CSNK1G1: variants seen among roughly 807,000 people sequenced by gnomAD.
CSNK1G1 encodes casein kinase I isoform gamma-1.
A neutral mutation model predicts 59.6 loss-of-function variants in CSNK1G1; 22 were observed. The observed-to-expected ratio is 0.37, with a 90% CI of 0.26 to 0.53. CSNK1G1 has a LOEUF of 0.53. Among genes scored for constraint, CSNK1G1 ranks in the 20% least tolerant of loss-of-function variants. CSNK1G1 has a pLI of 0.89. For missense variants in CSNK1G1, 384 were observed against 519.5 expected (o/e 0.74, Z 2.54); for synonymous variants, 179 against 177.1 (o/e 1.01, Z -0.08).
intron 1 of CSNK1G1, among the ~76,000 whole-genome samples, chr15:64,319,776 C>G (rs948220798): frequency 7.2e-5 from 11 of 152,132 alleles, no homozygotes; most frequent in Non-Finnish European, 1.2e-4. Flanking sequence ...GTCTTAAACT[C>G]CTGAGCTCAG....
intron 3 of CSNK1G1, among the ~76,000 whole-genome samples, chr15:64,256,876 G>A (rs1892406153): frequency 6.6e-6 from 1 of 152,082 alleles, no homozygotes; most frequent in Admixed American, 6.6e-5. Context: ...ATAGAGGGCT[G>A]TGCATTTGCC....
intron 1 of CSNK1G1, among the ~76,000 whole-genome samples, chr15:64,333,433 CA>C (rs59451869): frequency 4.3e-5 from 1 of 23,086 alleles, no homozygotes; most frequent in African/African-American, 2.4e-4. Context: ...GACACCATCT[CA>C]AAAAAAAAAA....
rs2082237168 is a variant in CSNK1G1 at position 64,210,538 on chromosome 15, C to T, written c.680-2944G>A. On this transcript the variant is annotated intron_variant, in intron 6 of 11. Coordinates refer to ENST00000303052, the MANE Select transcript of CSNK1G1 (RefSeq NM_022048.5). This position sits in a 1 kb window ranked among gnomAD's most constrained non-coding sequence, Gnocchi z 4.2. ...CAGCAGGACACAAAATTCTTCAATTCTTCTGATTGGTTGAAAGGTGTGCTT... is the reference window on the plus strand; with the variant it reads ...CAGCAGGACACAAAATTCTTCAATTTTTCTGATTGGTTGAAAGGTGTGCTT... Among the ~76,000 whole-genome samples the T allele has an allele frequency of 6.6e-6, 1 of 152,156 alleles. No homozygotes were observed. The highest frequency in any genetic ancestry group is 2.4e-5 in the African/African-American group (1 of 41,436).
intron 2 of CSNK1G1, among the ~76,000 whole-genome samples, chr15:64,279,424 C>G (rs1004934818): frequency 6.6e-6 from 1 of 152,078 alleles, no homozygotes; most frequent in Admixed American, 6.6e-5. Context: ...TGATTACGTC[C>G]GTGAGATTCA....
chr15:64,261,246 C>A (rs1016211978), intron 2 of CSNK1G1, among the ~76,000 whole-genome samples: 1 of 152,130 alleles, frequency 6.6e-6, no homozygotes, highest in Non-Finnish European at 1.5e-5. Flanking sequence ...TGTGACTCTG[C>A]GCAAAGATTT....
Position 64,180,382 on chromosome 15 carries a change from C to T in CSNK1G1, c.1180G>A (p.Ala394Thr). 1 of 1,614,160 alleles carries T rather than the reference C, an allele frequency of 6.2e-7. No individual in the cohort carries two copies. Among genetic ancestry groups the T allele is most frequent in the Non-Finnish European group, 8.5e-7 (1 of 1,180,002 alleles). ...TCCACTACCTCCACCTCGGCATGAG[C>T]TGTGATTGGTGCATTGGAGTGGGCT... ...TGAHSNAPIT[A>T]HAEVEVVEEA... Residue 394 changes from alanine to threonine, a missense_variant, in exon 11 of 12, where the codon GCT becomes ACT. By Grantham distance (58) the Ala-to-Thr change is moderately conservative (BLOSUM62 0). This residue lies in a region of CSNK1G1 where 325 missense variants were observed against 440.9 expected (regional missense o/e 0.74). Coordinates refer to ENST00000303052, the MANE Select transcript of CSNK1G1 (RefSeq NM_022048.5).
chr15:64,229,902 ATTTTTTTTTTTTTTTTTTTTTTTTTT>A lies in CSNK1G1; in HGVS notation c.293-13215_293-13190del, dbSNP rs533868270. On this transcript the variant is annotated intron_variant, in intron 4 of 11. Transcript: ENST00000303052. The stretch of plus-strand genomic sequence containing the variant: ...CCTATATTTTTGGGCATGTTTGTAA[ATTTTTTTTTTTTTTTTTTTTTTTTTT>A]TTTTTTTTTTTAAGACAGAATCTCA... Among the ~76,000 whole-genome samples, 4 of 43,808 alleles carry A rather than the reference ATTTTTTTTTTTTTTTTTTTTTTTTTT, an allele frequency of 9.1e-5. 1 individual carries two copies. The highest frequency in any genetic ancestry group is 1.6e-4 in the Non-Finnish European group (4 of 24,796). 28.7% of individuals were successfully genotyped at this position (43,808 alleles called of 152,430 possible). A position where few individuals can be genotyped will look rare whatever the true frequency, so the allele number is the denominator to read the frequency against.
intron 1 of CSNK1G1, among the ~76,000 whole-genome samples, chr15:64,343,444 T>C (rs2140479665): frequency 6.6e-6 from 1 of 152,226 alleles, no homozygotes; most frequent in Admixed American, 6.5e-5. Context: ...ATTACAAACA[T>C]CTGGGAAAGC....
chr15:64,227,045 T>C (rs2082472249), intron 4 of CSNK1G1, among the ~76,000 whole-genome samples: 2 of 152,204 alleles, frequency 1.3e-5, no homozygotes, highest in Non-Finnish European at 2.9e-5. Context: ...TCCAAGCATA[T>C]GGTAGATATG....
chr15:64,293,155 C>G (rs977029463), intron 2 of CSNK1G1, among the ~76,000 whole-genome samples: 1 of 150,156 alleles, frequency 6.7e-6, no homozygotes, highest in Non-Finnish European at 1.5e-5. Context: ...TAGTATCAAT[C>G]TATAAAATCT....
chr15:64,222,447 A>C (rs1323913015), intron 4 of CSNK1G1, among the ~76,000 whole-genome samples: 1 of 150,844 alleles, frequency 6.6e-6, no homozygotes, highest in East Asian at 1.9e-4. Context: ...CAAAAAAAAA[A>C]AAAAAAAAAA....
intron 4 of CSNK1G1, among the ~76,000 whole-genome samples, chr15:64,218,087 G>A (rs1163942917): frequency 6.6e-6 from 1 of 151,964 alleles, no homozygotes; most frequent in Non-Finnish European, 1.5e-5. Flanking sequence ...AGCTGGGACT[G>A]TAGGCTCGCT....
At chr15:64,324,798 T>C (rs573819186) in intron 1 of CSNK1G1, among the ~76,000 whole-genome samples, 1 of 152,350 alleles carries the variant, frequency 6.6e-6, no homozygotes, top group South Asian at 2.1e-4. Context: ...TGCCTAATTA[T>C]AAAGGAACTC....
intron 2 of CSNK1G1, among the ~76,000 whole-genome samples, chr15:64,262,896 T>C (rs1258434739): frequency 6.6e-6 from 1 of 151,822 alleles, no homozygotes; most frequent in African/African-American, 2.4e-5. Context: ...CTGACCAACA[T>C]GGAGAAACCC....
rs149258487 is a variant in CSNK1G1 at position 64,176,784 on chromosome 15, A to G, written c.1214+3564T>C. Among the ~76,000 whole-genome samples the G allele has an allele frequency of 4.8e-3, 727 of 152,358 alleles. 6 individuals carry two copies. The highest frequency in any genetic ancestry group is 0.017 in the African/African-American group (702 of 41,580). On this transcript the variant is annotated intron_variant, in intron 11 of 11. Coordinates refer to ENST00000303052, the MANE Select transcript of CSNK1G1 (RefSeq NM_022048.5). The surrounding 1 kb of genome is among the most constrained non-coding windows in gnomAD (Gnocchi z 5.2). ...TGCCTGATCAAAGCAGCTAGCAGTT[A>G]GCTCTTCCTCTAGAGAGGGAGAAAA...
intron 10 of CSNK1G1, among the ~76,000 whole-genome samples, chr15:64,186,896 T>G (rs1396039365): frequency 6.6e-6 from 1 of 152,074 alleles, no homozygotes; most frequent in Non-Finnish European, 1.5e-5. Flanking sequence ...TGATCTCGGC[T>G]CACTGCAACC....
chr15:64,352,447 C>CCTTT (rs1898350944), intron 1 of CSNK1G1, among the ~76,000 whole-genome samples: 1 of 89,412 alleles, frequency 1.1e-5, no homozygotes, highest in Non-Finnish European at 2.0e-5. Flanking sequence ...TTGAATTCTT[C>CCTTT]TTTTTTTTTT....
chr15:64,223,503 G>A (rs2082418115), intron 4 of CSNK1G1, among the ~76,000 whole-genome samples: 1 of 152,132 alleles, frequency 6.6e-6, no homozygotes, highest in South Asian at 2.1e-4. Flanking sequence ...GGAAACTAAG[G>A]TATTAATAGT....
intron 2 of CSNK1G1, among the ~76,000 whole-genome samples, chr15:64,290,566 C>T (rs1005229761): frequency 6.6e-6 from 1 of 151,882 alleles, no homozygotes; most frequent in African/African-American, 2.4e-5. Flanking sequence ...ATAATAGACA[C>T]TGAAGACTTA....
Sources: allele counts gnomAD v4.1 joint callset (sites outside exome capture counted in the v4.1 genomes callset), GRCh38; gene constraint gnomAD v4.1.1; regional missense constraint gnomAD v4.1.1; non-coding constraint Gnocchi (gnomAD v3.1); transcripts MANE v1.5; gene names NCBI Gene and HGNC (gene_info 2026-07-23, HGNC 2026-07-21).